Variants in FDFT1 observed in about 807,000 individuals in gnomAD.
FDFT1 encodes the protein farnesyl-diphosphate farnesyltransferase 1, also known as squalene synthase.
FDFT1 carries 68 observed loss-of-function variants against 46.8 expected under a neutral mutation model. That is an observed-to-expected ratio of 1.45 (90% CI 1.19 to 1.78). FDFT1 has a LOEUF of 1.78. Among genes scored for constraint, FDFT1 ranks in the 40% most tolerant of loss-of-function variants. The pLI is 0.00. For synonymous variants in FDFT1, 351 were observed against 185.1 expected, an observed-to-expected ratio of 1.90 and a Z score of -7.28; for missense variants, 928 against 524.4, an observed-to-expected ratio of 1.77 and a Z score of -7.52.
At chr8:11,838,003 C>G (rs1811774266) in intron 7 of FDFT1, among the ~76,000 whole-genome samples, 1 of 152,154 alleles carries the variant, frequency 6.6e-6, no homozygotes, top group Non-Finnish European at 1.5e-5. Flanking sequence ...TGCTTTTGCC[C>G]AGTCTTTCCA....
At chr8:11,831,807 C>G (rs749600609) in intron 7 of FDFT1, 137 bp downstream of exon 7, 1 of 752,070 alleles carries the variant, frequency 1.3e-6, no homozygotes, top group South Asian at 1.7e-5. Context: ...GAATTGATAT[C>G]CTTTATAAGG....
chr8:11,811,426 G>T (rs1807692217), intron 3 of FDFT1, among the ~76,000 whole-genome samples: 3 of 152,300 alleles, frequency 2.0e-5, no homozygotes, highest in Admixed American at 2.0e-4. Context: ...CTGGGGCATG[G>T]GATAAATGTG....
Position 11,838,848 on chromosome 8 carries a change from C to A in FDFT1, c.*239C>A. 1 of 518,616 alleles carries A rather than the reference C, an allele frequency of 1.9e-6. No individual in the cohort carries two copies. Among genetic ancestry groups the A allele is most frequent in the South Asian group, 2.1e-5 (1 of 48,256 alleles). 32.1% of individuals were successfully genotyped at this position (518,616 alleles called of 1,614,324 possible). A position where few individuals can be genotyped will look rare whatever the true frequency, so the allele number is the denominator to read the frequency against. ...GATGATCACTGTGCTGCTTGTGGCT[C>A]ATGGCAGAGCATTCAGTGCCACGGT... On this transcript the variant is annotated 3_prime_UTR_variant, in exon 8 of 8. Coordinates refer to ENST00000220584, the MANE Select transcript of FDFT1 (RefSeq NM_004462.5).
chr8:11,803,168 T>G, intron 1 of FDFT1: 1 of 1,415,200 alleles, frequency 7.1e-7, no homozygotes, highest in Non-Finnish European at 9.3e-7. Context: ...GACTTTTGCG[T>G]GGTTCCCGGT....
intron 7 of FDFT1, among the ~76,000 whole-genome samples, chr8:11,838,007 C>T (rs556484252): frequency 7.2e-5 from 11 of 152,208 alleles, no homozygotes; most frequent in Non-Finnish European, 1.6e-4. Flanking sequence ...TTTGCCCAGT[C>T]TTTCCAGCAT....
intron 2 of FDFT1, chr8:11,809,364 C>T (rs762130722): frequency 3.5e-6 from 4 of 1,128,582 alleles, no homozygotes; most frequent in Non-Finnish European, 3.3e-6. Context: ...CATATTAGTT[C>T]GGTCTAAACG....
intron 5 of FDFT1, among the ~76,000 whole-genome samples, chr8:11,829,460 C>A (rs1186622555): frequency 6.6e-6 from 1 of 152,212 alleles, no homozygotes; most frequent in Non-Finnish European, 1.5e-5. Flanking sequence ...CAGCTCATTT[C>A]CCAGCTATGC....
At chr8:11,838,138 G>T (rs1485241260) in intron 7 of FDFT1, among the ~76,000 whole-genome samples, 1 of 152,188 alleles carries the variant, frequency 6.6e-6, no homozygotes, top group East Asian at 1.9e-4. Context: ...GCTCTCGAGG[G>T]CCTCTGGGTG....
chr8:11,803,087 G>T, intron 1 of FDFT1, 156 bp downstream of exon 1: 2 of 1,441,068 alleles, frequency 1.4e-6, no homozygotes, highest in Admixed American at 2.7e-5. Flanking sequence ...CCTTCCCCCT[G>T]TAGGGCCCGG....
At position 11,808,806 on chromosome 8, in the gene FDFT1, A is replaced by G; in HGVS notation, c.112A>G (p.Ser38Gly). 13 of 1,613,786 alleles carry G rather than the reference A, an allele frequency of 8.1e-6. No homozygotes were observed. The highest frequency in any genetic ancestry group is 1.1e-5 in the Non-Finnish European group (13 of 1,179,910). ...MPKMDQDSLS[S>G]SLKTCYKYLN... The stretch of plus-strand genomic sequence containing the variant: ...TGTCTGCCCGCAGGACTCGCTCAGC[A>G]GCAGCCTGAAAACTTGCTACAAGTA... Residue 38 changes from serine (S) to glycine (G), a missense_variant, in exon 2 of 8, where the codon AGC becomes GGC. Transcript: ENST00000220584.
intron 4 of FDFT1, 130 bp downstream of exon 4, chr8:11,822,008 G>C: frequency 9.4e-7 from 1 of 1,060,092 alleles, no homozygotes; most frequent in South Asian, 1.5e-5. Flanking sequence ...ATCTGTTTAG[G>C]TTGAATGTCT....
chr8:11,833,373 A>C (rs867974964), intron 7 of FDFT1, among the ~76,000 whole-genome samples: 2 of 152,222 alleles, frequency 1.3e-5, no homozygotes, highest in Admixed American at 1.3e-4. Context: ...AAGGGGTTCA[A>C]CTACCCTTTC....
intron 3 of FDFT1, among the ~76,000 whole-genome samples, chr8:11,814,045 G>C (rs1439266430): frequency 6.6e-6 from 1 of 152,184 alleles, no homozygotes; most frequent in Non-Finnish European, 1.5e-5. Flanking sequence ...GTTCAGAAGT[G>C]AAAGTGTTTT....
intron 5 of FDFT1, among the ~76,000 whole-genome samples, chr8:11,827,633 C>T (rs1396225259): frequency 6.6e-6 from 1 of 151,884 alleles, no homozygotes; most frequent in African/African-American, 2.4e-5. Context: ...CCAACTGCCC[C>T]ACAGAAAAAT....
chr8:11,809,473 G>A, intron 2 of FDFT1, 194 bp from the exon 3 acceptor site: 3 of 1,316,466 alleles, frequency 2.3e-6, no homozygotes, highest in Non-Finnish European at 2.9e-6. Flanking sequence ...ATAAACTACA[G>A]AAGTTCATTA....
intron 5 of FDFT1, among the ~76,000 whole-genome samples, chr8:11,827,875 TAAAAC>T (rs368526467): frequency 1.3e-3 from 195 of 148,760 alleles, no homozygotes; most frequent in East Asian, 3.5e-3. Context: ...CCTTATCTCT[TAAAAC>T]AAAACAAAAC....
chr8:11,833,225 C>G (rs1232686861), intron 7 of FDFT1, among the ~76,000 whole-genome samples: 1 of 152,108 alleles, frequency 6.6e-6, no homozygotes, highest in Non-Finnish European at 1.5e-5. Flanking sequence ...TTACTTTGAT[C>G]TATGTGCCTG....
upstream of FDFT1, among the ~76,000 whole-genome samples, chr8:11,798,457 C>A (rs1337529482): frequency 6.6e-6 from 1 of 152,126 alleles, no homozygotes; most frequent in Non-Finnish European, 1.5e-5. Flanking sequence ...TGGCTTAAAC[C>A]AAGATGGAGC....
chr8:11,808,669 C>G (rs1459429060), intron 1 of FDFT1, 125 bp from the exon 2 acceptor site: 13 of 1,477,630 alleles, frequency 8.8e-6, no homozygotes, highest in Non-Finnish European at 1.2e-5. Flanking sequence ...AAGGACTGGC[C>G]TCGGGGAGAG....
Sources: allele counts gnomAD v4.1 joint callset (sites outside exome capture counted in the v4.1 genomes callset), GRCh38; gene constraint gnomAD v4.1.1; transcripts MANE v1.5; gene names NCBI Gene and HGNC (gene_info 2026-07-23, HGNC 2026-07-21).